SETD2: variants seen among roughly 807,000 people sequenced by gnomAD.
SETD2 encodes the protein SET domain containing 2, histone lysine methyltransferase.
Under a neutral mutation model 242.1 loss-of-function variants are expected in SETD2, and 31 were observed. The ratio of observed to expected loss-of-function variants is 0.13; its 90% CI spans 0.10 to 0.17. The LOEUF (loss-of-function observed/expected upper bound fraction) is 0.17, where lower values mean the gene tolerates loss of function less well. Ranked by LOEUF, SETD2 falls within the 10% of genes least tolerant of loss-of-function variation. SETD2 has a pLI of 1.00. For synonymous variants in SETD2, 1,006 were observed against 1,066.5 expected, an observed-to-expected ratio of 0.94 and a Z score of 1.11; for missense variants, 2,481 against 3,046.3, an observed-to-expected ratio of 0.81 and a Z score of 4.37.
chr3:47,036,851 G>A (rs565790207), intron 18 of SETD2, among the ~76,000 whole-genome samples: 2 of 146,470 alleles, frequency 1.4e-5, no homozygotes, highest in Admixed American at 7.1e-5. Context: ...ACAGTGAGCC[G>A]AGATTGTACC....
intron 9 of SETD2, among the ~76,000 whole-genome samples, chr3:47,097,171 G>C (rs1251001176): frequency 6.6e-6 from 1 of 152,140 alleles, no homozygotes; most frequent in Non-Finnish European, 1.5e-5. Flanking sequence ...AGGGGAATTT[G>C]CTGACTAACA....
intron 10 of SETD2, among the ~76,000 whole-genome samples, chr3:47,087,564 G>A (rs1355218912): frequency 6.6e-6 from 1 of 152,188 alleles, no homozygotes; most frequent in Admixed American, 6.5e-5. Context: ...CCATGGCCTG[G>A]GGATTGGGGA....
At chr3:47,105,619 G>T in intron 6 of SETD2, 2 of 419,436 alleles carry the variant, frequency 4.8e-6, no homozygotes, top group Non-Finnish European at 9.4e-6. Context: ...CATTTTTGTC[G>T]CTTAATATAT....
At chr3:47,154,170 G>A (rs149575396) in intron 1 of SETD2, among the ~76,000 whole-genome samples, 5,637 of 152,200 alleles carry the variant, frequency 0.037, 352 homozygotes, top group African/African-American at 0.13. Flanking sequence ...CAGCACTTTG[G>A]GAGGCCAAGG....
chr3:47,075,589 G>C (rs200867690), intron 12 of SETD2, among the ~76,000 whole-genome samples: 1 of 107,370 alleles, frequency 9.3e-6, no homozygotes, highest in Non-Finnish European at 2.0e-5. Flanking sequence ...AAAAAAAAAA[G>C]AAGAATCTAA....
chr3:47,134,541 C>G (rs1369287786), intron 1 of SETD2, among the ~76,000 whole-genome samples: 1 of 152,148 alleles, frequency 6.6e-6, no homozygotes, highest in African/African-American at 2.4e-5. Context: ...TCCTAGCTAA[C>G]TACCAAGAGT....
intron 16 of SETD2, 22 bp downstream of exon 16, chr3:47,046,465 T>G (rs1286908491): frequency 6.4e-7 from 1 of 1,574,690 alleles, no homozygotes; most frequent in Admixed American, 1.8e-5. Flanking sequence ...CAATGAGTTT[T>G]AACAACTGAA....
chr3:47,143,521 A>C (rs2043783649), intron 1 of SETD2, among the ~76,000 whole-genome samples: 1 of 152,318 alleles, frequency 6.6e-6, no homozygotes, highest in Non-Finnish European at 1.5e-5. Flanking sequence ...ATTTTTGAAC[A>C]TCATTTTGCA....
rs190484012 is a variant in SETD2, at chr3:47,050,398, A to C, written c.6964-3777T>G. Among the ~76,000 whole-genome samples, 299 of 152,324 alleles carry C rather than the reference A, an allele frequency of 2.0e-3. 3 individuals are homozygous for C. The highest frequency in any genetic ancestry group is 6.6e-3 in the African/African-American group (273 of 41,558). The stretch of plus-strand genomic sequence containing the variant: ...TCACCTCCATAATAATCTTACGAGG[A>C]TCACTGTCATAAATGCCATCTGTTG... On this transcript the variant is annotated intron_variant, in intron 15 of 20. Coordinates refer to ENST00000409792, the MANE Select transcript of SETD2 (RefSeq NM_014159.7).
Position 47,021,025 on chromosome 3 carries a change from A to T in SETD2, c.7351-1185T>A, listed in dbSNP as rs189873826. On this transcript the variant is annotated intron_variant, in intron 18 of 20. Transcript: ENST00000409792. ...GATTAGGGGGTAGAGTAAAAAGAAT[A>T]TAAAGATCCAATTTGTTTTTTAAGA... Among the ~76,000 whole-genome samples the T allele has an allele frequency of 2.4e-3, 364 of 152,350 alleles. 3 individuals are homozygous for T. Among genetic ancestry groups the T allele is most frequent in the African/African-American group, 8.4e-3 (351 of 41,578 alleles).
chr3:47,098,134 AAC>A, intron 8 of SETD2, 53 bp from the exon 9 acceptor site: 1 of 1,598,072 alleles, frequency 6.3e-7, no homozygotes, highest in Non-Finnish European at 8.5e-7. Flanking sequence ...AACCATACAA[AAC>A]TGTTGGCAAT....
At position 47,057,508 on chromosome 3, in the gene SETD2, A is replaced by G; in HGVS notation, c.6294-18T>C. ...TATCATATCTAGAAAGAAAATAAGG[A>G]CCACAAAAAGTTGCTCCCTAAATCA... On this transcript the variant is annotated intron_variant, in intron 14 of 20. Transcript: ENST00000409792. 6.2e-7 allele frequency: 1 copy of G among 1,601,140 alleles called. No individual in the cohort carries two copies. The highest frequency in any genetic ancestry group is 8.5e-7 in the Non-Finnish European group (1 of 1,170,132).
chr3:47,042,123 C>T lies in SETD2; in HGVS notation c.7238+438G>A, dbSNP rs114107073. Among the ~76,000 whole-genome samples the T allele has an allele frequency of 3.6e-3, 551 of 152,246 alleles. 4 individuals are homozygous for T. Among genetic ancestry groups the T allele is most frequent in the African/African-American group, 0.013 (522 of 41,548 alleles). On this transcript the variant is annotated intron_variant, in intron 17 of 20. Transcript: ENST00000409792. ...ATCCCAGCACTTTGGGAGGCCAAGG[C>T]GGGCAGGGCAGATCACCTGAGGTCA...
rs1435580455 is a variant in SETD2 at position 47,144,966 on chromosome 3, TCAAA to T, written c.72-18307_72-18304del. ...CTCTGTCTCAAAAACAATCAATCAA[TCAAA>T]CAAACAAACAATAAATAAATATTTT... On this transcript the variant is annotated intron_variant, in intron 1 of 20. Coordinates refer to ENST00000409792, the MANE Select transcript of SETD2 (RefSeq NM_014159.7). Among the ~76,000 whole-genome samples the T allele has an allele frequency of 3.6e-3, 549 of 151,906 alleles. 4 individuals are homozygous for T. Among genetic ancestry groups the T allele is most frequent in the African/African-American group, 0.013 (519 of 41,422 alleles).
At chr3:47,138,631 G>A (rs2043650128) in intron 1 of SETD2, among the ~76,000 whole-genome samples, 1 of 151,858 alleles carries the variant, frequency 6.6e-6, no homozygotes, top group African/African-American at 2.4e-5. Flanking sequence ...ATGTTGGTCA[G>A]GCTGGTCTTG....
chr3:47,058,000 C>T (rs187584706), intron 14 of SETD2, among the ~76,000 whole-genome samples: 15 of 151,786 alleles, frequency 9.9e-5, no homozygotes, highest in African/African-American at 3.4e-4. Flanking sequence ...CTCATAAAAA[C>T]ATACAGCAGA....
At position 47,149,392 on chromosome 3, in the gene SETD2, A is replaced by G. The variant is rs557756962; in HGVS notation, c.71+14462T>C. Among the ~76,000 whole-genome samples the G allele has an allele frequency of 1.2e-4, 18 of 147,036 alleles. No homozygotes were observed. The South Asian group carries it at 2.4e-3, about 19-fold the overall frequency. ...AGTCACAATGAGCAAGCTAAAGGGG[A>G]AAAAAAAAAAGTTGGGAGCCACAGA... On this transcript the variant is annotated intron_variant, in intron 1 of 20. Coordinates refer to ENST00000409792, the MANE Select transcript of SETD2 (RefSeq NM_014159.7).
At chr3:47,050,186 T>C (rs968198758) in intron 15 of SETD2, among the ~76,000 whole-genome samples, 3 of 151,840 alleles carry the variant, frequency 2.0e-5, no homozygotes, top group Non-Finnish European at 4.4e-5. Flanking sequence ...TTTATGGTGA[T>C]GGATATCTCA....
At position 47,057,364 on chromosome 3, in the gene SETD2, C is replaced by T. The variant is rs2107577363; in HGVS notation, c.6420G>A (p.Gln2140=). Residue 2140 remains glutamine, a synonymous_variant, in exon 15 of 21, where the codon CAG becomes CAA. Coordinates refer to ENST00000409792, the MANE Select transcript of SETD2 (RefSeq NM_014159.7). The part of the protein sequence containing the change: ...AQREAQKQQQ[Q]MQNLGMTSPL... ...GTGATGTCATTCCCAGGTTCTGCAT[C>T]TGTTGCTGTTGTTTCTGAGCCTCCC... 2 of 1,614,252 alleles carry T rather than the reference C, an allele frequency of 1.2e-6. No homozygotes were observed. Among genetic ancestry groups the T allele is most frequent in the Non-Finnish European group, 1.7e-6 (2 of 1,180,046 alleles).
Sources: gnomAD v4.1 joint callset for allele counts (sites outside exome capture counted in the v4.1 genomes callset) on GRCh38, gnomAD v4.1.1 for gene constraint, MANE v1.5 for transcripts, NCBI Gene and HGNC (gene_info 2026-07-23, HGNC 2026-07-21) for gene names.